The following KIF4A variants were observed in gnomAD, a reference collection of about 807,000 sequenced individuals.
KIF4A encodes the protein chromosome-associated kinesin KIF4A.
Under a neutral mutation model 105.9 loss-of-function variants are expected in KIF4A, and 7 were observed. The ratio of observed to expected loss-of-function variants is 0.07; its 90% confidence interval spans 0.04 to 0.12. KIF4A has a LOEUF of 0.12. KIF4A is among the 10% of genes least tolerant of loss of function. The pLI is 1.00. For missense variants in KIF4A, 558 were observed against 929.2 expected, an observed-to-expected ratio of 0.60 and a Z score of 5.19; for synonymous variants, 281 against 331.3, an observed-to-expected ratio of 0.85 and a Z score of 1.65.
At chrX:70,409,807 A>G (rs993979926) in intron 28 of KIF4A, among the ~76,000 whole-genome samples, 36 of 109,509 alleles carry the variant, frequency 3.3e-4, no homozygotes, top group Non-Finnish European at 4.4e-4. Context: ...AAAAAAAAAA[A>G]AAAAGAAAAG....
At chrX:70,395,056 G>A (rs1602801072) in intron 20 of KIF4A, among the ~76,000 whole-genome samples, 1 of 111,937 alleles carries the variant, frequency 8.9e-6, no homozygotes, top group East Asian at 2.8e-4. Context: ...GACCAGCCTG[G>A]CCAACATGGT....
intron 28 of KIF4A, among the ~76,000 whole-genome samples, chrX:70,414,073 T>G (rs1394478793): frequency 1.8e-5 from 2 of 111,388 alleles, no homozygotes; most frequent in East Asian, 5.6e-4. Flanking sequence ...AGATTATATT[T>G]CTATACAAGG....
intron 15 of KIF4A, among the ~76,000 whole-genome samples, chrX:70,370,935 CAA>C (rs754711052): frequency 1.5e-5 from 1 of 67,559 alleles, no homozygotes. Context: ...GACTCTGTCT[CAA>C]AAAAAAAAAA....
chrX:70,395,556 C>G, intron 20 of KIF4A, 115 bp from the exon 21 acceptor site: 3 of 940,183 alleles, frequency 3.2e-6, no homozygotes, highest in Non-Finnish European at 4.5e-6. Flanking sequence ...GAATGGATAT[C>G]ACACTTGTAG....
In KIF4A at chrX:70,386,621, C is replaced by T. The variant is rs1029695155; in HGVS notation, c.2038C>T (p.Arg680Cys). The T allele has an allele frequency of 2.5e-6, 3 of 1,202,469 alleles. No homozygotes were observed. The highest frequency in any genetic ancestry group is 3.4e-6 in the Non-Finnish European group (3 of 887,332). The change falls in exon 19 of 31, where the codon CGT becomes TGT. Residue 680 changes from arginine to cysteine, a missense_variant. By Grantham distance (180) the Arg-to-Cys change is radical. Around this residue, in one of 2 missense-constraint regions of KIF4A, gnomAD observed 469 missense variants for 680.4 expected, o/e 0.69. Transcript: ENST00000374403. ...TATCTGACTTTTTTCTTGTCAGGAC[C>T]GTAAGAGGCAATATGAGCTGCTGAA... ...KEVIQLKERD[R>C]KRQYELLKLE...
intron 15 of KIF4A, among the ~76,000 whole-genome samples, chrX:70,362,007 G>T (rs376378410): frequency 8.9e-6 from 1 of 112,092 alleles, no homozygotes; most frequent in Non-Finnish European, 1.9e-5. Context: ...TGAATAAGGC[G>T]GACCTCCTCT....
Position 70,290,422 on chromosome X carries a change from T to G in KIF4A, c.-21-16T>G. The G allele has an allele frequency of 8.4e-7, 1 of 1,191,525 alleles. No individual in the cohort carries two copies. The highest frequency in any genetic ancestry group is 1.1e-6 in the Non-Finnish European group (1 of 884,473). ...TACTAACATTCATCAGCGAGCCTTC[T>G]TTTTCCCCCTCGCAGAGACGGTGCT... On this transcript the variant is annotated splice_polypyrimidine_tract_variant and intron_variant, in intron 1 of 30. Coordinates refer to ENST00000374403, the MANE Select transcript of KIF4A (RefSeq NM_012310.5).
chrX:70,291,289 T>C (rs770240328), intron 3 of KIF4A, among the ~76,000 whole-genome samples: 1 of 111,978 alleles, frequency 8.9e-6, no homozygotes, highest in Non-Finnish European at 1.9e-5. Context: ...TTTTTCAAGT[T>C]AAAAATATAC....
At chrX:70,357,849 T>C (rs1017217641) in intron 15 of KIF4A, among the ~76,000 whole-genome samples, 1 of 111,515 alleles carries the variant, frequency 9.0e-6, no homozygotes, top group African/African-American at 3.3e-5. Flanking sequence ...CCCCAGGTGT[T>C]ACTTAATTTC....
At chrX:70,395,615 C>T in intron 20 of KIF4A, 56 bp from the exon 21 acceptor site, 1 of 1,189,838 alleles carries the variant, frequency 8.4e-7, no homozygotes. Flanking sequence ...CTGAATCTAG[C>T]CCATGAGCTA....
intron 15 of KIF4A, among the ~76,000 whole-genome samples, chrX:70,371,887 C>T (rs1329366075): frequency 4.9e-5 from 5 of 101,715 alleles, no homozygotes; most frequent in African/African-American, 1.5e-4. Flanking sequence ...ACTTCTCAGA[C>T]GGGGCGGTTG....
chrX:70,380,068 C>T (rs781475176), intron 18 of KIF4A, among the ~76,000 whole-genome samples: 2 of 111,828 alleles, frequency 1.8e-5, no homozygotes, highest in African/African-American at 6.5e-5. Flanking sequence ...TTTGGAAAGC[C>T]GAGATGGGCA....
Position 70,341,806 on chromosome X carries a change from C to T in KIF4A, c.1141C>T (p.Pro381Ser). The change falls in exon 11 of 31, where the codon CCA becomes TCA. Residue 381 changes from proline to serine, a missense_variant. Pro to Ser is a moderately conservative substitution (Grantham distance 74). Transcript: ENST00000374403. ...TTATTTACTTTGTTTTAGTGTGGAACCATCAGAGAATCTACAATCCCTGAT... is the reference window on the plus strand; with the variant it reads ...TTATTTACTTTGTTTTAGTGTGGAATCATCAGAGAATCTACAATCCCTGAT... ...GTLPGSITVE[P>S]SENLQSLMEK... is the part of the protein sequence containing the mutation. 8.3e-7 allele frequency: 1 copy of T among 1,207,967 alleles called. No individual in the cohort carries two copies. Among genetic ancestry groups the T allele is most frequent in the Non-Finnish European group, 1.1e-6 (1 of 892,726 alleles).
At chrX:70,395,237 C>G (rs1221612085) in intron 20 of KIF4A, among the ~76,000 whole-genome samples, 1 of 112,166 alleles carries the variant, frequency 8.9e-6, no homozygotes, top group African/African-American at 3.2e-5. Flanking sequence ...CAGAGCGACA[C>G]CCTGTCTAAA....
At chrX:70,318,820 C>T (rs1037922219) in intron 7 of KIF4A, among the ~76,000 whole-genome samples, 3 of 112,079 alleles carry the variant, frequency 2.7e-5, no homozygotes, top group Admixed American at 9.5e-5. Flanking sequence ...TGTCTTTTTC[C>T]TACTGATTAA....
At chrX:70,387,441 C>A in intron 20 of KIF4A, 144 bp downstream of exon 20, 1 of 460,877 alleles carries the variant, frequency 2.2e-6, no homozygotes, top group Non-Finnish European at 3.7e-6. Flanking sequence ...CTAAAGATAG[C>A]AATGTCTTTG....
Position 70,373,520 on chromosome X carries a change from G to GA in KIF4A, c.1675-631_1675-630insA, listed in dbSNP as rs2086150965. Among the ~76,000 whole-genome samples, 8 of 5,882 alleles carry GA rather than the reference G, an allele frequency of 1.4e-3. 2 individuals are homozygous for GA. The highest frequency in any genetic ancestry group is 1.4e-3 in the Non-Finnish European group (6 of 4,231). 5.1% of individuals were successfully genotyped at this position (5,882 alleles called of 115,157 possible). On this transcript the variant is annotated intron_variant, in intron 15 of 30. Coordinates refer to ENST00000374403, the MANE Select transcript of KIF4A (RefSeq NM_012310.5). The stretch of plus-strand genomic sequence containing the variant: ...GCAACATATATATATACATGTGTGT[G>GA]TATGTATATATATATATATATATAT...
intron 28 of KIF4A, among the ~76,000 whole-genome samples, chrX:70,407,547 G>A (rs2086305286): frequency 9.0e-6 from 1 of 111,627 alleles, no homozygotes. Flanking sequence ...AGGGGGGCTT[G>A]TTGGGCCATC....
intron 18 of KIF4A, among the ~76,000 whole-genome samples, chrX:70,385,069 C>G (rs764615052): frequency 1.7e-4 from 19 of 111,377 alleles, no homozygotes; most frequent in African/African-American, 5.9e-4. Context: ...TCTCAAAATG[C>G]TGGGATTACA....
Sources: allele counts gnomAD v4.1 joint callset (sites outside exome capture counted in the v4.1 genomes callset), GRCh38; gene constraint gnomAD v4.1.1; regional missense constraint gnomAD v4.1.1; transcripts MANE v1.5; gene names NCBI Gene and HGNC (gene_info 2026-07-23, HGNC 2026-07-21).